Variants in PRKN observed in about 807,000 individuals in gnomAD.
PRKN encodes the protein parkin RBR E3 ubiquitin protein ligase.
A neutral mutation model predicts 59.5 loss-of-function variants in PRKN; 56 were observed. The ratio of observed to expected loss-of-function variants is 0.94; its 90% CI spans 0.76 to 1.18. The LOEUF is 1.18. Among genes scored for constraint, PRKN ranks in the 50% most tolerant of loss-of-function variants. The pLI is 0.00. For missense variants in PRKN, 657 were observed against 596.4 expected, an observed-to-expected ratio of 1.10 and a Z score of -1.06; for synonymous variants, 250 against 222.1, an observed-to-expected ratio of 1.13 and a Z score of -1.12.
At chr6:162,704,355 T>A (rs967813399) in intron 1 of PRKN, among the ~76,000 whole-genome samples, 1 of 152,006 alleles carries the variant, frequency 6.6e-6, no homozygotes, top group African/African-American at 2.4e-5. Flanking sequence ...CCCTGTCACC[T>A]CTCCCCCAGA....
intron 1 of PRKN, among the ~76,000 whole-genome samples, chr6:162,502,655 C>A (rs1015156098): frequency 6.6e-6 from 1 of 151,966 alleles, no homozygotes; most frequent in Non-Finnish European, 1.5e-5. Context: ...ATGAGATGAT[C>A]ACATAAAATG....
intron 1 of PRKN, among the ~76,000 whole-genome samples, chr6:162,580,381 T>C (rs555625652): frequency 1.3e-5 from 2 of 151,710 alleles, no homozygotes; most frequent in South Asian, 4.2e-4. Context: ...GGAGATTTCT[T>C]TGAGGAGTGA....
At chr6:161,889,113 T>C (rs1013966409) in intron 6 of PRKN, among the ~76,000 whole-genome samples, 10 of 151,902 alleles carry the variant, frequency 6.6e-5, no homozygotes, top group African/African-American at 2.4e-4. Flanking sequence ...ATAAGAGAAC[T>C]ACGGAAATAA....
intron 5 of PRKN, among the ~76,000 whole-genome samples, chr6:161,977,697 G>A (rs1314754838): frequency 2.6e-5 from 4 of 151,320 alleles, no homozygotes; most frequent in Admixed American, 2.0e-4. Context: ...CAAGGCGCCC[G>A]CCACCACGCC....
In PRKN at chr6:161,354,782, G is replaced by A. The variant is rs1390744471; in HGVS notation, c.1286-4571C>T. On this transcript the variant is annotated intron_variant, in intron 11 of 11. Coordinates refer to ENST00000366898, the MANE Select transcript of PRKN (RefSeq NM_004562.3). This position sits in a 1 kb window ranked among gnomAD's most constrained non-coding sequence, Gnocchi z 6.7. ...GCACTTTTAAACAGTTTAGGCCATC[G>A]CTAATAAGCTTCAAGTCTCAGCTTT... is the stretch of plus-strand genomic sequence containing the variant. 2.0e-5 allele frequency among the ~76,000 whole-genome samples: 3 copies of A among 152,154 alleles called. No individual in the cohort carries two copies. The highest frequency in any genetic ancestry group is 1.9e-4 in the East Asian group (1 of 5,190).
At chr6:162,176,221 C>T (rs1468899145) in intron 4 of PRKN, among the ~76,000 whole-genome samples, 1 of 152,100 alleles carries the variant, frequency 6.6e-6, no homozygotes, top group Non-Finnish European at 1.5e-5. Context: ...AAAGAATAAA[C>T]ATCCCTGAAG....
At chr6:162,584,788 C>A (rs1399494771) in intron 1 of PRKN, among the ~76,000 whole-genome samples, 1 of 7,890 alleles carries the variant, frequency 1.3e-4, no homozygotes, top group Non-Finnish European at 2.0e-4. Flanking sequence ...CTCCTCTCCT[C>A]TCCCCTCCCC....
rs544592957 is a variant in PRKN at position 162,057,374 on chromosome 6, G to A, written c.535-3200C>T. On this transcript the variant is annotated intron_variant, in intron 4 of 11. Coordinates refer to ENST00000366898, the MANE Select transcript of PRKN (RefSeq NM_004562.3). ...CAGAAATGTGAGGACTTGGAAGGCA[G>A]AAGTGAGGCTGGAGAGAAAACAGAA... is the stretch of plus-strand genomic sequence containing the variant. 6.6e-5 allele frequency among the ~76,000 whole-genome samples: 10 copies of A among 152,326 alleles called. 1 individual carries two copies. In the South Asian group the frequency reaches 1.7e-3, roughly 25 times the overall value.
At chr6:161,873,294 T>A (rs1050480998) in intron 6 of PRKN, among the ~76,000 whole-genome samples, 1 of 151,922 alleles carries the variant, frequency 6.6e-6, no homozygotes, top group Admixed American at 6.6e-5. Context: ...CAGACACTCA[T>A]TCTCGCTCCA....
intron 1 of PRKN, among the ~76,000 whole-genome samples, chr6:162,539,338 T>G (rs980661231): frequency 1.3e-5 from 2 of 152,230 alleles, no homozygotes; most frequent in African/African-American, 4.8e-5. Context: ...AATTAGCATT[T>G]GGAAACCTGA....
intron 2 of PRKN, among the ~76,000 whole-genome samples, chr6:162,276,309 C>T (rs1780635743): frequency 6.6e-6 from 1 of 152,046 alleles, no homozygotes; most frequent in Non-Finnish European, 1.5e-5. Context: ...ACATTATATA[C>T]ACAATGTGAA....
chr6:161,874,176 ATATT>A (rs1447260730), intron 6 of PRKN, among the ~76,000 whole-genome samples: 14 of 52,836 alleles, frequency 2.6e-4, no homozygotes, highest in Admixed American at 6.7e-4. Context: ...TATATAATAT[ATATT>A]ATATATAATA....
rs60226003 is a variant in PRKN, at chr6:161,499,115, G to GACACAC, written c.1083+49733_1083+49738dup. Among the ~76,000 whole-genome samples the GACACAC allele has an allele frequency of 5.6e-5, 8 of 143,078 alleles. No individual in the cohort carries two copies. The highest frequency in any genetic ancestry group is 1.5e-5 in the Non-Finnish European group (1 of 66,014). The allele number at this position is 143,078 out of a possible 152,430, so 93.9% of individuals were successfully genotyped here. A position where few individuals can be genotyped will look rare whatever the true frequency, so the allele number is the denominator to read the frequency against. On this transcript the variant is annotated intron_variant, in intron 9 of 11. Coordinates refer to ENST00000366898, the MANE Select transcript of PRKN (RefSeq NM_004562.3). This position sits in a 1 kb window ranked among gnomAD's most constrained non-coding sequence, Gnocchi z 4.2. ...ACTGGTGGCTTGTGAGCAGGGTCTGGACACACACACACACACATTTTTTTT... is the reference window on the plus strand; with the variant it reads ...ACTGGTGGCTTGTGAGCAGGGTCTGGACACACACACACACACACACACATTTTTTTT...
intron 5 of PRKN, among the ~76,000 whole-genome samples, chr6:162,014,372 T>C (rs1019398449): frequency 1.3e-5 from 2 of 152,124 alleles, no homozygotes; most frequent in South Asian, 2.1e-4. Context: ...CCTAGGTCTC[T>C]AGCTGAGGCC....
chr6:161,605,737 T>A (rs1288868912), intron 7 of PRKN, among the ~76,000 whole-genome samples: 1 of 152,106 alleles, frequency 6.6e-6, no homozygotes, highest in East Asian at 1.9e-4. Flanking sequence ...CTCGAACCCC[T>A]GGCCTCAAGT....
In PRKN at chr6:161,554,431, C is replaced by CACAT. The variant is rs1554275651; in HGVS notation, c.934-5429_934-5428insATGT. Among the ~76,000 whole-genome samples, 6 of 151,088 alleles carry CACAT rather than the reference C, an allele frequency of 4.0e-5. No homozygotes were observed. The highest frequency in any genetic ancestry group is 4.9e-5 in the African/African-American group (2 of 41,094). ...ACACACACACACACACACACACACA[C>CACAT]GCATGCAGGCACAACCATCAGTACT... On this transcript the variant is annotated intron_variant, in intron 8 of 11. Transcript: ENST00000366898. The surrounding 1 kb of genome is among the most constrained non-coding windows in gnomAD (Gnocchi z 4.5).
chr6:161,779,080 C>T (rs1315342702), intron 7 of PRKN, among the ~76,000 whole-genome samples: 1 of 151,892 alleles, frequency 6.6e-6, no homozygotes, highest in African/African-American at 2.4e-5. Context: ...GCTGGGACTA[C>T]AGGCACCTGC....
chr6:162,610,069 C>T (rs1246173891), intron 1 of PRKN, among the ~76,000 whole-genome samples: 1 of 151,998 alleles, frequency 6.6e-6, no homozygotes, highest in East Asian at 1.9e-4. Context: ...AGAGAAAGAA[C>T]GCTCTTACAA....
rs56180267 is a variant in PRKN at position 161,552,793 on chromosome 6, G to T, written c.934-3790C>A. Reference sequence around the variant, plus strand: ...ACACCATGGTTTTGTTGTTGTTTTTGTTTTTTGTTTTTTTTTTTTAGACGG... The same window carrying T: ...ACACCATGGTTTTGTTGTTGTTTTTTTTTTTTGTTTTTTTTTTTTAGACGG... On this transcript the variant is annotated intron_variant, in intron 8 of 11. Coordinates refer to ENST00000366898, the MANE Select transcript of PRKN (RefSeq NM_004562.3). The surrounding 1 kb of genome is among the most constrained non-coding windows in gnomAD (Gnocchi z 4.9). 0.45 allele frequency among the ~76,000 whole-genome samples: 63,597 copies of T among 141,206 alleles called. 14,758 individuals are homozygous for T. Among genetic ancestry groups the T allele is most frequent in the East Asian group, 0.65 (2,996 of 4,580 alleles). 92.6% of individuals were successfully genotyped at this position (141,206 alleles called of 152,430 possible). A position where few individuals can be genotyped will look rare whatever the true frequency, so the allele number is the denominator to read the frequency against.
Sources: allele counts gnomAD v4.1 joint callset (sites outside exome capture counted in the v4.1 genomes callset), GRCh38; gene constraint gnomAD v4.1.1; non-coding constraint Gnocchi (gnomAD v3.1); transcripts MANE v1.5; gene names NCBI Gene and HGNC (gene_info 2026-07-23, HGNC 2026-07-21).